The following STAG1 variants were observed in gnomAD, a reference collection of about 807,000 sequenced individuals.
The protein encoded by STAG1 is cohesin subunit SA-1.
A neutral mutation model predicts 170.9 loss-of-function variants in STAG1; 26 were observed. The observed-to-expected ratio is 0.15, with a 90% confidence interval of 0.11 to 0.21. The LOEUF (loss-of-function observed/expected upper bound fraction) is 0.21, where lower values mean the gene tolerates loss of function less well. STAG1 is among the 10% of genes least tolerant of loss of function. The pLI, the probability that STAG1 is intolerant of heterozygous loss-of-function variation, is 1.00. For synonymous variants in STAG1, 514 were observed against 497.7 expected (o/e 1.03, Z -0.44); for missense variants, 964 against 1,509.5 (o/e 0.64, Z 5.99).
At chr3:136,618,709 C>T (rs529091138) in intron 3 of STAG1, among the ~76,000 whole-genome samples, 2 of 152,124 alleles carry the variant, frequency 1.3e-5, no homozygotes, top group East Asian at 3.9e-4. Flanking sequence ...AATAGTTTTT[C>T]TTTTCTTTAA....
chr3:136,719,948 G>A (rs1351496830), intron 1 of STAG1, among the ~76,000 whole-genome samples: 2 of 151,970 alleles, frequency 1.3e-5, no homozygotes, highest in African/African-American at 2.4e-5. Flanking sequence ...AGGCCAAGGC[G>A]GGCAGGTCAC....
At chr3:136,736,612 T>A in intron 1 of STAG1, 1 of 1,593,500 alleles carries the variant, frequency 6.3e-7, no homozygotes, top group Non-Finnish European at 8.6e-7. Flanking sequence ...CCATCTCGAC[T>A]TTCCTCAAAG....
At chr3:136,661,443 A>G (rs1350618088) in intron 1 of STAG1, among the ~76,000 whole-genome samples, 1 of 152,218 alleles carries the variant, frequency 6.6e-6, no homozygotes, top group Non-Finnish European at 1.5e-5. Flanking sequence ...GGTTGCAGTC[A>G]AAACAAAGGT....
intron 13 of STAG1, among the ~76,000 whole-genome samples, chr3:136,458,743 TA>T (rs201269571): frequency 2.0e-5 from 3 of 150,808 alleles, no homozygotes; most frequent in Non-Finnish European, 3.0e-5. Context: ...CTGAAACGAT[TA>T]AAAAAAAACA....
intron 4 of STAG1, among the ~76,000 whole-genome samples, chr3:136,578,624 T>C (rs1029956168): frequency 2.6e-5 from 4 of 152,254 alleles, no homozygotes; most frequent in Admixed American, 6.5e-5. Context: ...CTGTGCATTG[T>C]TGAAAGGAAA....
At chr3:136,598,619 G>C (rs555221323) in intron 4 of STAG1, among the ~76,000 whole-genome samples, 10 of 151,406 alleles carry the variant, frequency 6.6e-5, no homozygotes, top group African/African-American at 2.2e-4. Flanking sequence ...GTAGAGACGG[G>C]GTTTCACTGT....
intron 22 of STAG1, among the ~76,000 whole-genome samples, chr3:136,381,151 C>T (rs1178587324): frequency 6.6e-6 from 1 of 150,958 alleles, no homozygotes; most frequent in Non-Finnish European, 1.5e-5. Context: ...TAGGCAGCTG[C>T]GTATGTGAGT....
At chr3:136,377,397 A>AAAAAAAAAAAAAAAAAAAC in intron 23 of STAG1, among the ~76,000 whole-genome samples, 1 of 147,304 alleles carries the variant, frequency 6.8e-6, no homozygotes, top group Admixed American at 6.8e-5. Context: ...AAAAAAAAAA[A>AAAAAAAAAAAAAAAAAAAC]AAAAAAAAGT....
At chr3:136,363,012 T>C (rs902068024) in intron 26 of STAG1, among the ~76,000 whole-genome samples, 1 of 152,188 alleles carries the variant, frequency 6.6e-6, no homozygotes, top group African/African-American at 2.4e-5. Context: ...AAATCTTATT[T>C]ACGCAACATG....
rs1253237221 is a variant in STAG1, at chr3:136,675,886, ATTATC to A, written c.-83-44910_-83-44906del. Among the ~76,000 whole-genome samples the A allele has an allele frequency of 2.0e-5, 3 of 152,236 alleles. No individual in the cohort carries two copies. The East Asian group carries it at 5.8e-4, about 29-fold the overall frequency. On this transcript the variant is annotated intron_variant, in intron 1 of 33. Coordinates refer to ENST00000383202, the MANE Select transcript of STAG1 (RefSeq NM_005862.3). ...ACACTCCACAATGTGCAATGAAGAA[ATTATC>A]TAATGATGCATTTTCTCAGAAAATT...
intron 16 of STAG1, among the ~76,000 whole-genome samples, chr3:136,429,912 A>C (rs2088244599): frequency 6.6e-6 from 1 of 152,136 alleles, no homozygotes; most frequent in Non-Finnish European, 1.5e-5. Context: ...CTCTAGCTTA[A>C]TTTATTGCAA....
intron 1 of STAG1, among the ~76,000 whole-genome samples, chr3:136,743,143 A>C (rs554124922): frequency 6.6e-6 from 1 of 152,240 alleles, no homozygotes; most frequent in East Asian, 1.9e-4. Flanking sequence ...GAGAAGGGTG[A>C]ACAGCTTGAG....
At chr3:136,502,324 C>T (rs1436878866) in intron 8 of STAG1, among the ~76,000 whole-genome samples, 1 of 152,012 alleles carries the variant, frequency 6.6e-6, no homozygotes, top group African/African-American at 2.4e-5. Flanking sequence ...GCTTTGCTGG[C>T]TCACGGTTCT....
chr3:136,586,518 G>C (rs915087146), intron 4 of STAG1, among the ~76,000 whole-genome samples: 1 of 152,152 alleles, frequency 6.6e-6, no homozygotes, highest in African/African-American at 2.4e-5. Flanking sequence ...GTAACAGTAG[G>C]TACCTTTAGG....
At chr3:136,474,306 C>T (rs1490655155) in intron 10 of STAG1, among the ~76,000 whole-genome samples, 1 of 152,146 alleles carries the variant, frequency 6.6e-6, no homozygotes, top group East Asian at 1.9e-4. Context: ...AAGCTATGTG[C>T]TGTAACAGCA....
At chr3:136,603,381 A>G (rs890716205) in intron 4 of STAG1, among the ~76,000 whole-genome samples, 9 of 150,070 alleles carry the variant, frequency 6.0e-5, no homozygotes, top group South Asian at 2.1e-4. Context: ...CAATTTAAAA[A>G]TATCCTTTAG....
chr3:136,699,948 T>A (rs745619515), intron 1 of STAG1, among the ~76,000 whole-genome samples: 6 of 151,886 alleles, frequency 4.0e-5, no homozygotes, highest in Non-Finnish European at 7.4e-5. Context: ...CAAAGAACCC[T>A]CCCAAGGAGC....
chr3:136,433,780 G>C (rs1228036120), intron 15 of STAG1, 121 bp from the exon 16 acceptor site: 4 of 684,710 alleles, frequency 5.8e-6, no homozygotes, highest in Admixed American at 2.9e-5. Flanking sequence ...AAAGACTAAA[G>C]TTAAGCTCTG....
chr3:136,548,185 C>A (rs945477256), intron 5 of STAG1, among the ~76,000 whole-genome samples: 3 of 151,564 alleles, frequency 2.0e-5, no homozygotes, highest in African/African-American at 7.3e-5. Flanking sequence ...ATGATCATGG[C>A]TCACTGCAGC....
Sources: allele counts gnomAD v4.1 joint callset (sites outside exome capture counted in the v4.1 genomes callset), GRCh38; gene constraint gnomAD v4.1.1; transcripts MANE v1.5; gene names NCBI Gene and HGNC (gene_info 2026-07-23, HGNC 2026-07-21).